The following CPLX4 variants were observed in gnomAD, a reference collection of about 807,000 sequenced individuals.
CPLX4 encodes the protein complexin-4.
Under a neutral mutation model 16.1 loss-of-function variants are expected in CPLX4, and 17 were observed. The observed-to-expected ratio is 1.06, with a 90% CI of 0.72 to 1.59. CPLX4 has a LOEUF of 1.59. Ranked by LOEUF, CPLX4 falls within the 40% of genes most tolerant of loss-of-function variation. The pLI is 0.00. For synonymous variants in CPLX4, 55 were observed against 57.8 expected, an observed-to-expected ratio of 0.95 and a Z score of 0.22; for missense variants, 193 against 192.9, an observed-to-expected ratio of 1.00 and a Z score of 0.00.
intron 1 of CPLX4, among the ~76,000 whole-genome samples, chr18:59,313,265 C>T (rs1047356057): frequency 6.6e-6 from 1 of 152,110 alleles, no homozygotes; most frequent in South Asian, 2.1e-4. Flanking sequence ...CTTTGAAGAC[C>T]GTTGTTGTTG....
chr18:59,297,763 T>C (rs1339662365), intron 2 of CPLX4, among the ~76,000 whole-genome samples: 1 of 152,216 alleles, frequency 6.6e-6, no homozygotes, highest in African/African-American at 2.4e-5. Flanking sequence ...TTATAGTAAC[T>C]AGACAGTATG....
intron 1 of CPLX4, among the ~76,000 whole-genome samples, chr18:59,314,249 T>C (rs1413575570): frequency 6.6e-6 from 1 of 152,136 alleles, no homozygotes; most frequent in Non-Finnish European, 1.5e-5. Flanking sequence ...GCAGACCTTT[T>C]CTCCCCATGT....
At chr18:59,310,813 A>T (rs2070611553) in intron 2 of CPLX4, among the ~76,000 whole-genome samples, 1 of 152,048 alleles carries the variant, frequency 6.6e-6, no homozygotes, top group Non-Finnish European at 1.5e-5. Flanking sequence ...AGATATTTTT[A>T]AAAACCATGT....
At chr18:59,303,417 C>T (rs879414263) in intron 2 of CPLX4, among the ~76,000 whole-genome samples, 5 of 152,116 alleles carry the variant, frequency 3.3e-5, no homozygotes, top group Admixed American at 6.5e-5. Flanking sequence ...TCCCGGAGGC[C>T]GCATATCCAA....
At chr18:59,306,763 C>G (rs2070579309) in intron 2 of CPLX4, among the ~76,000 whole-genome samples, 1 of 152,206 alleles carries the variant, frequency 6.6e-6, no homozygotes. Context: ...CCCGTCGGGC[C>G]TTGGTCAGGG....
At chr18:59,313,631 G>A (rs1330613866) in intron 1 of CPLX4, among the ~76,000 whole-genome samples, 10 of 152,166 alleles carry the variant, frequency 6.6e-5, no homozygotes, top group African/African-American at 1.9e-4. Flanking sequence ...ACCAAGCTCC[G>A]TAAATGAAAT....
chr18:59,305,360 C>A (rs199594081), intron 2 of CPLX4, among the ~76,000 whole-genome samples: 1 of 18,854 alleles, frequency 5.3e-5, no homozygotes, highest in South Asian at 1.3e-3. Context: ...TGGCTTTAAA[C>A]AAACAAACAA....
Position 59,295,624 on chromosome 18 carries a change from G to C in CPLX4, c.*1074C>G, listed in dbSNP as rs558886435. On this transcript the variant is annotated 3_prime_UTR_variant, in exon 3 of 3. Coordinates refer to ENST00000299721, the MANE Select transcript of CPLX4 (RefSeq NM_181654.4). ...TGGTTTGGTGGGCTTTAGCTAAATA[G>C]CTCGAAGTGTTTCAGTGGTAATTGT... 6 of 151,534 alleles carry C rather than the reference G, an allele frequency of 4.0e-5. No individual in the cohort carries two copies. Among genetic ancestry groups the C allele is most frequent in the Non-Finnish European group, 8.8e-5 (6 of 67,934 alleles). The allele number at this position is 151,534 out of a possible 1,614,324, so 9.4% of individuals were successfully genotyped here.
intron 2 of CPLX4, among the ~76,000 whole-genome samples, chr18:59,305,448 C>G (rs1421285865): frequency 1.3e-5 from 2 of 152,124 alleles, no homozygotes; most frequent in African/African-American, 4.8e-5. Flanking sequence ...GGACAAGACT[C>G]CAAGTAGAAA....
chr18:59,298,125 T>C (rs573155991), intron 2 of CPLX4, among the ~76,000 whole-genome samples: 39 of 152,100 alleles, frequency 2.6e-4, no homozygotes, highest in African/African-American at 9.2e-4. Flanking sequence ...GGTCTCTCTC[T>C]TTCACCGAGG....
At chr18:59,310,912 A>T (rs1448532323) in intron 2 of CPLX4, among the ~76,000 whole-genome samples, 1 of 151,930 alleles carries the variant, frequency 6.6e-6, no homozygotes, top group African/African-American at 2.4e-5. Context: ...ATCTGTAAAA[A>T]GCCCTACATT....
At chr18:59,307,622 C>A (rs576391757) in intron 2 of CPLX4, among the ~76,000 whole-genome samples, 2 of 152,172 alleles carry the variant, frequency 1.3e-5, no homozygotes, top group South Asian at 2.1e-4. Context: ...GAGCACCATG[C>A]CTTGGGCTTG....
At chr18:59,316,862 T>C (rs2070654503) in intron 1 of CPLX4, among the ~76,000 whole-genome samples, 1 of 152,176 alleles carries the variant, frequency 6.6e-6, no homozygotes, top group South Asian at 2.1e-4. Flanking sequence ...CTGTTTTCAT[T>C]AGCCTACTTG....
intron 2 of CPLX4, among the ~76,000 whole-genome samples, chr18:59,303,421 T>C (rs894207647): frequency 6.6e-6 from 1 of 152,162 alleles, no homozygotes; most frequent in African/African-American, 2.4e-5. Context: ...GGAGGCCGCA[T>C]ATCCAAGCCT....
intron 1 of CPLX4, 58 bp downstream of exon 1, chr18:59,318,238 G>T: frequency 5.9e-6 from 9 of 1,517,794 alleles, no homozygotes; most frequent in Non-Finnish European, 7.9e-6. Context: ...ACTGAAGAAG[G>T]TATGGCCAGA....
intron 2 of CPLX4, among the ~76,000 whole-genome samples, chr18:59,301,658 G>A (rs533582542): frequency 9.8e-5 from 15 of 152,336 alleles, no homozygotes; most frequent in African/African-American, 3.6e-4. Context: ...AACTAATTGA[G>A]CTAGCCCTAG....
rs11284122 is a variant in CPLX4, at chr18:59,317,820, G to GTTT, written c.167+473_167+475dup. On this transcript the variant is annotated intron_variant, in intron 1 of 2. Coordinates refer to ENST00000299721, the MANE Select transcript of CPLX4 (RefSeq NM_181654.4). ...ATAATTGTCATGTTATGCTTCCTGGGTTTTTTTTTTTTTTCTCACATGCAA... is the reference window on the plus strand; with the variant it reads ...ATAATTGTCATGTTATGCTTCCTGGGTTTTTTTTTTTTTTTTTCTCACATGCAA... Among the ~76,000 whole-genome samples, 99 of 140,446 alleles carry GTTT rather than the reference G, an allele frequency of 7.0e-4. 2 individuals are homozygous for GTTT. The highest frequency in any genetic ancestry group is 2.3e-3 in the African/African-American group (90 of 38,920). The allele number at this position is 140,446 out of a possible 152,430, so 92.1% of individuals were successfully genotyped here. A position where few individuals can be genotyped will look rare whatever the true frequency, so the allele number is the denominator to read the frequency against.
chr18:59,297,439 A>T (rs1470494990), intron 2 of CPLX4, among the ~76,000 whole-genome samples: 2 of 150,874 alleles, frequency 1.3e-5, no homozygotes, highest in Admixed American at 1.3e-4. Flanking sequence ...CACCACACTC[A>T]GCTGATTTTT....
intron 1 of CPLX4, among the ~76,000 whole-genome samples, chr18:59,313,378 A>C (rs2070631033): frequency 6.6e-6 from 1 of 152,198 alleles, no homozygotes; most frequent in African/African-American, 2.4e-5. Context: ...GCCCCAAACA[A>C]GGCAGGGTAT....
Sources: allele counts gnomAD v4.1 joint callset (sites outside exome capture counted in the v4.1 genomes callset), GRCh38; gene constraint gnomAD v4.1.1; transcripts MANE v1.5; gene names NCBI Gene and HGNC (gene_info 2026-07-23, HGNC 2026-07-21).